SPAG16: variants seen among roughly 807,000 people sequenced by gnomAD.
SPAG16 encodes the protein sperm associated antigen 16.
SPAG16 carries 86 observed loss-of-function variants against 80.4 expected under a neutral mutation model. The ratio of observed to expected loss-of-function variants is 1.07; its 90% CI spans 0.90 to 1.28. The LOEUF is 1.28. Among genes scored for constraint, SPAG16 ranks in the 50% most tolerant of loss-of-function variants. The pLI, the probability that SPAG16 is intolerant of heterozygous loss-of-function variation, is 0.00. For synonymous variants in SPAG16, 294 were observed against 265.9 expected (o/e 1.11, Z -1.03); for missense variants, 870 against 765.3 (o/e 1.14, Z -1.61).
intron 15 of SPAG16, among the ~76,000 whole-genome samples, chr2:214,407,080 C>A (rs1331108774): frequency 6.6e-6 from 1 of 151,914 alleles, no homozygotes; most frequent in Non-Finnish European, 1.5e-5. Flanking sequence ...AAAAGCAAGG[C>A]ATTTTTTACA....
At chr2:213,437,147 T>G (rs969459624) in intron 9 of SPAG16, among the ~76,000 whole-genome samples, 2 of 152,110 alleles carry the variant, frequency 1.3e-5, no homozygotes, top group Non-Finnish European at 2.9e-5. Flanking sequence ...GATCTGCCCG[T>G]CTCAGCCTTC....
At chr2:213,993,495 A>G (rs759266820) in intron 12 of SPAG16, among the ~76,000 whole-genome samples, 1 of 152,182 alleles carries the variant, frequency 6.6e-6, no homozygotes, top group Non-Finnish European at 1.5e-5. Flanking sequence ...CTGCCTATTC[A>G]ATCCCTATTT....
At position 213,428,540 on chromosome 2, in the gene SPAG16, G is replaced by A. The variant is rs540737052; in HGVS notation, c.942+53421G>A. Among the ~76,000 whole-genome samples the A allele has an allele frequency of 5.9e-5, 9 of 152,252 alleles. No homozygotes were observed. In the East Asian group the frequency reaches 1.7e-3, roughly 29 times the overall value. On this transcript the variant is annotated intron_variant, in intron 9 of 15. Coordinates refer to ENST00000331683, the MANE Select transcript of SPAG16 (RefSeq NM_024532.5). ...AGGGGATTGTAATGCTGGGTTTGGG[G>A]CAACAGAGGGGCTCCCACAGCCAAA...
intron 13 of SPAG16, among the ~76,000 whole-genome samples, chr2:214,040,078 T>C (rs1171827662): frequency 2.0e-5 from 3 of 152,078 alleles, no homozygotes; most frequent in African/African-American, 7.2e-5. Flanking sequence ...TGAAAAGATA[T>C]CTTAAAGGGC....
At chr2:214,167,428 C>G (rs1361942700) in intron 15 of SPAG16, among the ~76,000 whole-genome samples, 1 of 152,068 alleles carries the variant, frequency 6.6e-6, no homozygotes, top group Non-Finnish European at 1.5e-5. Context: ...GCCCATGAGC[C>G]AACAAATTTG....
intron 12 of SPAG16, among the ~76,000 whole-genome samples, chr2:213,947,012 T>G (rs1472307075): frequency 6.6e-6 from 1 of 152,184 alleles, no homozygotes; most frequent in Non-Finnish European, 1.5e-5. Context: ...TTTATTCAAC[T>G]ATTGGGTGTA....
intron 10 of SPAG16, among the ~76,000 whole-genome samples, chr2:213,646,067 C>T (rs1408115342): frequency 6.6e-6 from 1 of 152,194 alleles, no homozygotes; most frequent in African/African-American, 2.4e-5. Context: ...AATTGCTGTG[C>T]TCTCCCCACT....
intron 11 of SPAG16, among the ~76,000 whole-genome samples, chr2:213,873,896 C>T (rs1173355273): frequency 3.3e-5 from 5 of 152,100 alleles, no homozygotes; most frequent in Non-Finnish European, 7.4e-5. Context: ...GTATAGCCTA[C>T]TGCTCTTCCA....
rs187893213 is a variant in SPAG16 at position 214,011,324 on chromosome 2, T to G, written c.1401-2627T>G. On this transcript the variant is annotated intron_variant, in intron 12 of 15. Coordinates refer to ENST00000331683, the MANE Select transcript of SPAG16 (RefSeq NM_024532.5). The stretch of plus-strand genomic sequence containing the variant: ...TAAAATTTGTACATAAAACAGTAAT[T>G]TTTTAAAAGAAAATAACTTATTCTG... Among the ~76,000 whole-genome samples the G allele has an allele frequency of 2.4e-3, 355 of 146,560 alleles. 58 individuals carry two copies. The highest frequency in any genetic ancestry group is 9.2e-3 in the African/African-American group (345 of 37,512).
chr2:213,758,523 A>T (rs1390607866), intron 10 of SPAG16, among the ~76,000 whole-genome samples: 2 of 152,154 alleles, frequency 1.3e-5, no homozygotes, highest in South Asian at 2.1e-4. Context: ...AGTTAAAAAA[A>T]ATTGGGAGCT....
At chr2:214,299,766 C>T (rs918195837) in intron 15 of SPAG16, among the ~76,000 whole-genome samples, 4 of 152,090 alleles carry the variant, frequency 2.6e-5, no homozygotes, top group African/African-American at 9.7e-5. Context: ...TTTTAAAAGT[C>T]TCTTCAGATT....
intron 13 of SPAG16, among the ~76,000 whole-genome samples, chr2:214,080,623 T>A (rs992132569): frequency 1.6e-4 from 24 of 146,500 alleles, no homozygotes; most frequent in African/African-American, 5.5e-4. Context: ...AAAAAAAAAA[T>A]TAAAATAAAA....
intron 11 of SPAG16, among the ~76,000 whole-genome samples, chr2:213,911,537 C>T (rs2077666599): frequency 6.6e-6 from 1 of 152,100 alleles, no homozygotes; most frequent in Admixed American, 6.5e-5. Flanking sequence ...GTAATGAAAC[C>T]ATTATAGGAA....
intron 12 of SPAG16, among the ~76,000 whole-genome samples, chr2:213,994,578 T>G (rs1449789477): frequency 2.4e-5 from 1 of 42,160 alleles, no homozygotes; most frequent in South Asian, 1.6e-3. Context: ...TTTTCCATCC[T>G]TTTTTTTTTT....
intron 9 of SPAG16, among the ~76,000 whole-genome samples, chr2:213,378,234 A>G (rs1176577256): frequency 6.6e-6 from 1 of 152,058 alleles, no homozygotes; most frequent in Non-Finnish European, 1.5e-5. Flanking sequence ...CAGCCCACTG[A>G]CTCAAATGTT....
intron 10 of SPAG16, among the ~76,000 whole-genome samples, chr2:213,705,609 T>G (rs771803133): frequency 3.7e-4 from 31 of 83,974 alleles, no homozygotes; most frequent in Non-Finnish European, 9.3e-4. Flanking sequence ...ATTAAGAAAA[T>G]TTTTTTAGGC....
intron 15 of SPAG16, among the ~76,000 whole-genome samples, chr2:214,280,383 G>T (rs112867868): frequency 6.6e-6 from 1 of 152,012 alleles, no homozygotes; most frequent in Non-Finnish European, 1.5e-5. Flanking sequence ...TTTAAAACTC[G>T]TATGGAAATA....
At chr2:213,406,986 T>C (rs1374056376) in intron 9 of SPAG16, among the ~76,000 whole-genome samples, 1 of 150,126 alleles carries the variant, frequency 6.7e-6, no homozygotes, top group Non-Finnish European at 1.5e-5. Flanking sequence ...GCAACCTAGC[T>C]TAAAGGACTC....
intron 9 of SPAG16, among the ~76,000 whole-genome samples, chr2:213,376,182 G>C (rs2066874802): frequency 6.6e-6 from 1 of 151,638 alleles, no homozygotes; most frequent in African/African-American, 2.4e-5. Flanking sequence ...CAGATTTAAG[G>C]ATTTTTGGAA....
Sources: gnomAD v4.1 joint callset for allele counts (sites outside exome capture counted in the v4.1 genomes callset) on GRCh38, gnomAD v4.1.1 for gene constraint, MANE v1.5 for transcripts, NCBI Gene and HGNC (gene_info 2026-07-23, HGNC 2026-07-21) for gene names.